PIGG: variants seen among roughly 807,000 people sequenced by gnomAD.
The protein encoded by PIGG is phosphatidylinositol glycan anchor biosynthesis class G (EMM blood group), also known as GPI ethanolamine phosphate transferase 2, catalytic subunit.
In PIGG, 70 loss-of-function variants were observed where a neutral mutation model predicts 83.2. That is an observed-to-expected ratio of 0.84 (90% CI 0.69 to 1.03). PIGG has a LOEUF of 1.03. PIGG is among the 50% of genes least tolerant of loss of function. The pLI is 0.00. For missense variants in PIGG, 1,257 were observed against 1,233.6 expected, an observed-to-expected ratio of 1.02 and a Z score of -0.28; for synonymous variants, 532 against 519.5, an observed-to-expected ratio of 1.02 and a Z score of -0.33.
chr4:506,629 C>T, intron 3 of PIGG: 1 of 363,894 alleles, frequency 2.7e-6, no homozygotes, highest in South Asian at 1.9e-5. Context: ...CACTGAGAAA[C>T]ACTTCTCTTC....
chr4:533,699 C>A, intron 11 of PIGG, 119 bp from the exon 12 acceptor site: 1 of 893,480 alleles, frequency 1.1e-6, no homozygotes, highest in Non-Finnish European at 1.8e-6. Flanking sequence ...TGTGTCCGTG[C>A]CGGCGTGGTT....
chr4:512,771 C>T (rs1006045348), intron 5 of PIGG, among the ~76,000 whole-genome samples: 2 of 152,026 alleles, frequency 1.3e-5, no homozygotes, highest in Non-Finnish European at 2.9e-5. Flanking sequence ...GCCGAGATCG[C>T]ACCACTGCAC....
At chr4:531,270 AT>A (rs1577138957) in intron 11 of PIGG, 14 of 168,336 alleles carry the variant, frequency 8.3e-5, no homozygotes, top group East Asian at 7.1e-4. Flanking sequence ...ATCCAGCCTC[AT>A]CCAGCCTCCC....
chr4:518,891 G>A (rs936632489), intron 6 of PIGG, among the ~76,000 whole-genome samples: 5 of 152,128 alleles, frequency 3.3e-5, no homozygotes, highest in Non-Finnish European at 5.9e-5. Context: ...GCAGTCCCTC[G>A]GTGGCGTCCA....
At chr4:539,084 TAA>T in intron 12 of PIGG, 67 bp from the exon 13 acceptor site, 7 of 1,032,556 alleles carry the variant, frequency 6.8e-6, no homozygotes, top group South Asian at 5.5e-5. Flanking sequence ...TTTTTGAAAA[TAA>T]AAGTGTTGTT....
rs1577182871 is a variant in PIGG at position 539,919 on chromosome 4, C to T, written c.*550C>T. The stretch of plus-strand genomic sequence containing the variant: ...CAAAAAAATTCAGTGAGACCCAGCA[C>T]TTTGGGAGGCCAGAGTGGGGGTATC... On this transcript the variant is annotated 3_prime_UTR_variant, in exon 13 of 13. Transcript: ENST00000453061. 1 of 152,420 alleles carries T rather than the reference C, an allele frequency of 6.6e-6. No homozygotes were observed. Among genetic ancestry groups the T allele is most frequent in the Non-Finnish European group, 1.5e-5 (1 of 68,206 alleles). 9.4% of individuals were successfully genotyped at this position (152,420 alleles called of 1,614,324 possible). A position where few individuals can be genotyped will look rare whatever the true frequency, so the allele number is the denominator to read the frequency against.
In PIGG at chr4:527,054, C is replaced by G. The variant is rs150774662; in HGVS notation, c.2085C>G (p.Ala695=). ...GHWLTSSDHK[A]ELSVLAALSL... ...CTCATTTCAGCTCTGACCACAAAGC[C>G]GAGCTCTCTGTCCTGGCTGCCCTCT... Residue 695 remains alanine, a synonymous_variant, in exon 10 of 13, where the codon GCC becomes GCG. Coordinates refer to ENST00000453061, the MANE Select transcript of PIGG (RefSeq NM_001127178.3). The G allele has an allele frequency of 6.2e-7, 1 of 1,614,076 alleles. No homozygotes were observed. Among genetic ancestry groups the G allele is most frequent in the Non-Finnish European group, 8.5e-7 (1 of 1,179,994 alleles).
intron 12 of PIGG, among the ~76,000 whole-genome samples, chr4:538,042 T>TG (rs1339530392): frequency 6.7e-6 from 1 of 148,786 alleles, no homozygotes; most frequent in Admixed American, 6.7e-5. Context: ...TTACAGGACA[T>TG]GCAGCGGGAC....
rs1723711408 is a variant in PIGG at position 516,014 on chromosome 4, G to T, written c.943G>T (p.Ala315Ser). Residue 315 changes from alanine (A) to serine (S), a missense_variant, in exon 6 of 13, where the codon GCT (alanine) becomes TCT (serine). Coordinates refer to ENST00000453061, the MANE Select transcript of PIGG (RefSeq NM_001127178.3). Reference sequence around the variant, plus strand: ...AAAGCACGTCCAACAGACGGATGTGGCTGCGACACTGGCGATAGCACTTGG... The same window carrying T: ...AAAGCACGTCCAACAGACGGATGTGTCTGCGACACTGGCGATAGCACTTGG... ...HPKHVQQTDV[A>S]ATLAIALGLP... 6.2e-7 allele frequency: 1 copy of T among 1,614,232 alleles called. No individual in the cohort carries two copies. The highest frequency in any genetic ancestry group is 8.5e-7 in the Non-Finnish European group (1 of 1,180,028).
Position 523,462 on chromosome 4 carries a change from C to G in PIGG, c.1618C>G (p.Pro540Ala), listed in dbSNP as rs768849981. Residue 540 changes from proline (P) to alanine (A), a missense_variant, in exon 9 of 13, where the codon CCC becomes GCC. Coordinates refer to ENST00000453061, the MANE Select transcript of PIGG (RefSeq NM_001127178.3). Reference protein sequence around the residue: ...LVGGNTPRKNPMHPSSRWSEL... With the variant: ...LVGGNTPRKNAMHPSSRWSEL... The stretch of plus-strand genomic sequence containing the variant: ...AAGTGCACTTTCCTTTTCACAGAAC[C>G]CCATGCATCCCAGCTCAAGGTGGTC... 1.9e-6 allele frequency: 3 copies of G among 1,601,170 alleles called. No homozygotes were observed. The highest frequency in any genetic ancestry group is 2.2e-5 in the East Asian group (1 of 44,628).
chr4:527,860 G>A (rs1280155179), intron 10 of PIGG: 1 of 985,314 alleles, frequency 1.0e-6, no homozygotes, highest in Admixed American at 6.1e-5. Context: ...CCGTTCTGGA[G>A]GGCAGCTTGT....
intron 3 of PIGG, 124 bp downstream of exon 3, chr4:506,051 C>A: frequency 1.5e-6 from 1 of 673,650 alleles, no homozygotes; most frequent in Non-Finnish European, 2.5e-6. Context: ...ATAGGGAGTA[C>A]TATGGACAGG....
intron 12 of PIGG, among the ~76,000 whole-genome samples, chr4:537,705 G>C (rs967435252): frequency 6.6e-6 from 1 of 152,192 alleles, no homozygotes; most frequent in Non-Finnish European, 1.5e-5. Flanking sequence ...CCCAGGGTCT[G>C]AGTATTTTAC....
Position 499,727 on chromosome 4 carries a change from T to C in PIGG, c.154+238T>C. On this transcript the variant is annotated intron_variant, in intron 1 of 12. Transcript: ENST00000453061. ...ACCTTCCTTCCTGATCACCACAAAGTAAGCTGTGTCCATACCTGGGATCCA... is the reference window on the plus strand; with the variant it reads ...ACCTTCCTTCCTGATCACCACAAAGCAAGCTGTGTCCATACCTGGGATCCA... The C allele has an allele frequency of 2.2e-6, 3 of 1,379,646 alleles. No individual in the cohort carries two copies. In the South Asian group the frequency reaches 5.2e-5, roughly 24 times the overall value. 85.5% of individuals were successfully genotyped at this position (1,379,646 alleles called of 1,614,324 possible).
intron 9 of PIGG, 134 bp from the exon 10 acceptor site, chr4:526,901 AAATC>A: frequency 1.0e-6 from 1 of 988,596 alleles, no homozygotes; most frequent in Non-Finnish European, 1.5e-6. Context: ...TTGAAAATAA[AAATC>A]AACAATTTCA....
At position 515,885 on chromosome 4, in the gene PIGG, A is replaced by C; in HGVS notation, c.902-88A>C. On this transcript the variant is annotated intron_variant, in intron 5 of 12. Transcript: ENST00000453061. This position sits in a 1 kb window ranked among gnomAD's most constrained non-coding sequence, Gnocchi z 4.2. ...TGTGAAGAGACGGATCATTTGGCTC[A>C]TGTTAGTTGTAGAAGGTCTAATTCA... 1 of 992,888 alleles carries C rather than the reference A, an allele frequency of 1.0e-6. No individual in the cohort carries two copies. The highest frequency in any genetic ancestry group is 1.6e-6 in the Non-Finnish European group (1 of 622,970). The allele number at this position is 992,888 out of a possible 1,614,324, so 61.5% of individuals were successfully genotyped here. A position where few individuals can be genotyped will look rare whatever the true frequency, so the allele number is the denominator to read the frequency against.
rs573796413 is a variant in PIGG at position 518,525 on chromosome 4, G to A, written c.1114+2340G>A. 1.8e-3 allele frequency among the ~76,000 whole-genome samples: 269 copies of A among 152,310 alleles called. 1 individual carries two copies. Among genetic ancestry groups the A allele is most frequent in the African/African-American group, 6.1e-3 (253 of 41,568 alleles). Reference sequence around the variant, plus strand: ...GGAGAATGGTGTGAACCCGGGAGGCGGAGCTTGCAGTGAGCCGAGATGGCG... The same window carrying A: ...GGAGAATGGTGTGAACCCGGGAGGCAGAGCTTGCAGTGAGCCGAGATGGCG... On this transcript the variant is annotated intron_variant, in intron 6 of 12. Coordinates refer to ENST00000453061, the MANE Select transcript of PIGG (RefSeq NM_001127178.3).
At chr4:518,523 G>A (rs1483358389) in intron 6 of PIGG, among the ~76,000 whole-genome samples, 2 of 152,222 alleles carry the variant, frequency 1.3e-5, no homozygotes, top group Admixed American at 6.5e-5. Flanking sequence ...AACCCGGGAG[G>A]CGGAGCTTGC....
At chr4:504,607 T>G (rs1577010506) in intron 2 of PIGG, among the ~76,000 whole-genome samples, 2 of 152,328 alleles carry the variant, frequency 1.3e-5, no homozygotes, top group South Asian at 4.2e-4. Flanking sequence ...TCTGGATAAT[T>G]CATACTTGCA....
Sources: allele counts gnomAD v4.1 joint callset (sites outside exome capture counted in the v4.1 genomes callset), GRCh38; gene constraint gnomAD v4.1.1; non-coding constraint Gnocchi (gnomAD v3.1); transcripts MANE v1.5; gene names NCBI Gene and HGNC (gene_info 2026-07-23, HGNC 2026-07-21).